Variants in SGCZ observed in about 807,000 individuals in gnomAD.
SGCZ encodes the protein sarcoglycan zeta.
Under a neutral mutation model 41.3 loss-of-function variants are expected in SGCZ, and 40 were observed. That is an observed-to-expected ratio of 0.97 (90% CI 0.75 to 1.26). The LOEUF is 1.26. SGCZ is among the 50% of genes most tolerant of loss of function. The pLI is 0.00. For missense variants in SGCZ, 552 were observed against 369.8 expected, an observed-to-expected ratio of 1.49 and a Z score of -4.04; for synonymous variants, 206 against 137.5, an observed-to-expected ratio of 1.50 and a Z score of -3.49.
At chr8:14,785,450 T>C (rs7829979) in intron 1 of SGCZ, among the ~76,000 whole-genome samples, 18,758 of 152,100 alleles carry the variant, frequency 0.12, 1,228 homozygotes, top group Non-Finnish European at 0.15. Context: ...TACCAAAATT[T>C]AAAATGCATG....
intron 1 of SGCZ, among the ~76,000 whole-genome samples, chr8:14,604,959 A>G (rs1247644574): frequency 6.6e-6 from 1 of 152,206 alleles, no homozygotes; most frequent in Admixed American, 6.5e-5. Flanking sequence ...TGCAACATGG[A>G]AATATTAATT....
chr8:14,686,224 G>C (rs977744087), intron 1 of SGCZ, among the ~76,000 whole-genome samples: 1 of 152,048 alleles, frequency 6.6e-6, no homozygotes. Flanking sequence ...TGGAATCTTG[G>C]CTTCACCCTG....
chr8:14,362,555 G>T (rs1424024097), intron 2 of SGCZ, among the ~76,000 whole-genome samples: 3 of 152,296 alleles, frequency 2.0e-5, no homozygotes, highest in East Asian at 1.9e-4. Flanking sequence ...TGGGAAAAGC[G>T]CAGTATGTAG....
At chr8:15,147,376 T>G (rs1466486414) in intron 1 of SGCZ, among the ~76,000 whole-genome samples, 1 of 152,142 alleles carries the variant, frequency 6.6e-6, no homozygotes, top group Non-Finnish European at 1.5e-5. Flanking sequence ...CCTCCCGGGT[T>G]CAAACAATTC....
chr8:15,208,084 A>G (rs1801127255), intron 1 of SGCZ, among the ~76,000 whole-genome samples: 1 of 152,236 alleles, frequency 6.6e-6, no homozygotes, highest in South Asian at 2.1e-4. Context: ...CTCTGTTAAG[A>G]AAGAGTAATA....
chr8:14,653,810 A>T (rs968991326), intron 1 of SGCZ, among the ~76,000 whole-genome samples: 1 of 134,730 alleles, frequency 7.4e-6, no homozygotes, highest in Non-Finnish European at 1.7e-5. Flanking sequence ...CATTCATATT[A>T]AAAAAACCCT....
At chr8:14,761,536 T>A (rs574915530) in intron 1 of SGCZ, among the ~76,000 whole-genome samples, 4 of 124,630 alleles carry the variant, frequency 3.2e-5, no homozygotes, top group South Asian at 5.8e-4. Flanking sequence ...TATTTATTTA[T>A]TTATTTTTTT....
At chr8:14,485,734 C>T (rs1295406949) in intron 2 of SGCZ, among the ~76,000 whole-genome samples, 1 of 152,096 alleles carries the variant, frequency 6.6e-6, no homozygotes, top group African/African-American at 2.4e-5. Context: ...CTTTCCTCAA[C>T]TCTCACTAGA....
intron 1 of SGCZ, among the ~76,000 whole-genome samples, chr8:14,949,454 A>G (rs1005587290): frequency 5.9e-5 from 9 of 152,140 alleles, no homozygotes; most frequent in Non-Finnish European, 1.2e-4. Flanking sequence ...GTGTAAAGAG[A>G]AGACTGATTT....
At chr8:14,991,017 G>C (rs1412711175) in intron 1 of SGCZ, among the ~76,000 whole-genome samples, 1 of 152,036 alleles carries the variant, frequency 6.6e-6, no homozygotes, top group Non-Finnish European at 1.5e-5. Flanking sequence ...TTGTTTATTT[G>C]CATTGAAAAA....
intron 1 of SGCZ, among the ~76,000 whole-genome samples, chr8:15,100,529 C>G (rs1170768058): frequency 6.6e-6 from 1 of 152,134 alleles, no homozygotes; most frequent in African/African-American, 2.4e-5. Context: ...TTTTTCCCAA[C>G]TTTATCTGTA....
At position 15,235,979 on chromosome 8, in the gene SGCZ, A is replaced by C. The variant is rs1489854491; in HGVS notation, c.39+1606T>G. Among the ~76,000 whole-genome samples, 3 of 152,222 alleles carry C rather than the reference A, an allele frequency of 2.0e-5. No individual in the cohort carries two copies. In the East Asian group the frequency reaches 5.8e-4, roughly 29 times the overall value. ...TGCAAACATAAAGGCAATGTGTCCT[A>C]TCGGAGTAGAGCAGAGAGATAAGAG... is the stretch of plus-strand genomic sequence containing the variant. On this transcript the variant is annotated intron_variant, in intron 1 of 7. Transcript: ENST00000382080.
intron 5 of SGCZ, among the ~76,000 whole-genome samples, chr8:14,162,412 GC>G (rs1804074347): frequency 6.6e-6 from 1 of 152,040 alleles, no homozygotes; most frequent in South Asian, 2.1e-4. Context: ...TATTAATGTT[GC>G]CCAGTTCCCC....
chr8:14,372,305 C>G (rs1037415851), intron 2 of SGCZ, among the ~76,000 whole-genome samples: 1 of 152,086 alleles, frequency 6.6e-6, no homozygotes, highest in Non-Finnish European at 1.5e-5. Context: ...AATGTGTATA[C>G]CCAACCAACA....
chr8:14,960,252 G>A (rs986302163), intron 1 of SGCZ, among the ~76,000 whole-genome samples: 2 of 151,864 alleles, frequency 1.3e-5, no homozygotes, highest in Non-Finnish European at 2.9e-5. Flanking sequence ...TTATTGTAAC[G>A]CTTGGATCAG....
intron 1 of SGCZ, among the ~76,000 whole-genome samples, chr8:14,806,259 A>T (rs1443535982): frequency 1.3e-5 from 2 of 151,122 alleles, no homozygotes; most frequent in Non-Finnish European, 2.9e-5. Context: ...ATAGAGACAT[A>T]AAAAACCCTT....
At chr8:14,331,916 C>T (rs1035428255) in intron 2 of SGCZ, among the ~76,000 whole-genome samples, 7 of 151,512 alleles carry the variant, frequency 4.6e-5, no homozygotes, top group African/African-American at 1.7e-4. Flanking sequence ...AAATATGTAT[C>T]AGGGAAATAT....
rs1802057710 is a variant in SGCZ, at chr8:14,102,389, G to T, written c.731C>A (p.Ser244Tyr). The change falls in exon 7 of 8, where the codon TCT (serine) becomes TAT (tyrosine). Residue 244 changes from serine (S) to tyrosine (Y), a missense_variant. Physicochemically the swap from Ser to Tyr is moderately radical, Grantham distance 144. Coordinates refer to ENST00000382080, the MANE Select transcript of SGCZ (RefSeq NM_139167.4). ...TCTGGGACTCACCTCCCCTTCTGTA[G>T]ATTGCAGATGGAGCTCCTTCCTGCA... is the stretch of plus-strand genomic sequence containing the variant. Reference protein sequence around the residue: ...ATCRKELHLQSTEGEIFLNAE... With the variant: ...ATCRKELHLQYTEGEIFLNAE... 6.6e-7 allele frequency: 1 copy of T among 1,515,552 alleles called. No homozygotes were observed. The highest frequency in any genetic ancestry group is 1.4e-5 in the African/African-American group (1 of 72,340). 93.9% of individuals were successfully genotyped at this position (1,515,552 alleles called of 1,614,324 possible). A position where few individuals can be genotyped will look rare whatever the true frequency, so the allele number is the denominator to read the frequency against.
chr8:14,496,804 T>C (rs1296680534), intron 2 of SGCZ, among the ~76,000 whole-genome samples: 3 of 152,206 alleles, frequency 2.0e-5, no homozygotes, highest in Admixed American at 2.0e-4. Flanking sequence ...ATAAGAAAGT[T>C]GTTTTCTCAG....
Sources: gnomAD v4.1 joint callset for allele counts (sites outside exome capture counted in the v4.1 genomes callset) on GRCh38, gnomAD v4.1.1 for gene constraint, MANE v1.5 for transcripts, NCBI Gene and HGNC (gene_info 2026-07-23, HGNC 2026-07-21) for gene names.